The following GRM7 variants were observed in gnomAD, a reference collection of about 807,000 sequenced individuals.
GRM7 encodes the protein glutamate metabotropic receptor 7, also known as metabotropic glutamate receptor 7.
Under a neutral mutation model 84.5 loss-of-function variants are expected in GRM7, and 35 were observed. The observed-to-expected ratio is 0.41, with a 90% CI of 0.32 to 0.55. GRM7 has a LOEUF of 0.55. GRM7 is among the 20% of genes least tolerant of loss of function. The pLI is 0.19. For missense variants in GRM7, 1,003 were observed against 1,194.6 expected (o/e 0.84, Z 2.36); for synonymous variants, 487 against 455.1 (o/e 1.07, Z -0.89).
chr3:7,645,302 A>C (rs1388910866), intron 8 of GRM7, among the ~76,000 whole-genome samples: 1 of 152,036 alleles, frequency 6.6e-6, no homozygotes, highest in Non-Finnish European at 1.5e-5. Flanking sequence ...TAATCCCAGC[A>C]CTTTGGGAGG....
intron 1 of GRM7, among the ~76,000 whole-genome samples, chr3:7,064,712 AG>A (rs1437700468): frequency 1.3e-5 from 2 of 151,502 alleles, no homozygotes; most frequent in African/African-American, 2.4e-5. Context: ...GTAGATACCC[AG>A]TAGTGGGATT....
chr3:7,706,398 A>G (rs1441034368), intron 9 of GRM7, among the ~76,000 whole-genome samples: 2 of 152,196 alleles, frequency 1.3e-5, no homozygotes, highest in East Asian at 1.9e-4. Flanking sequence ...GCAAGCTGCA[A>G]ACTTTAAAAG....
At chr3:7,738,213 G>A (rs1702569935) in intron 9 of GRM7, among the ~76,000 whole-genome samples, 1 of 152,128 alleles carries the variant, frequency 6.6e-6, no homozygotes, top group African/African-American at 2.4e-5. Flanking sequence ...TCACATTCAA[G>A]TAAGTGACAG....
At chr3:7,230,865 C>T (rs1364136030) in intron 2 of GRM7, among the ~76,000 whole-genome samples, 1 of 152,028 alleles carries the variant, frequency 6.6e-6, no homozygotes, top group Non-Finnish European at 1.5e-5. Context: ...TGCATAAAAC[C>T]CTTTTAGTAT....
rs1366551795 is a variant in GRM7, at chr3:7,696,180, G to GTGTT, written c.2698+15888_2698+15891dup. 5.3e-5 allele frequency among the ~76,000 whole-genome samples: 8 copies of GTGTT among 152,272 alleles called. No individual in the cohort carries two copies. The South Asian group carries it at 1.2e-3, about 24-fold the overall frequency. On this transcript the variant is annotated intron_variant, in intron 9 of 9. Coordinates refer to ENST00000357716, the MANE Select transcript of GRM7 (RefSeq NM_000844.4). ...AGAATTGTCTATAGGTCTCTCAGGA[G>GTGTT]TGTTTGGACCCATTTCTTTTGTAGC...
chr3:7,000,903 C>G (rs1041525569), intron 1 of GRM7, among the ~76,000 whole-genome samples: 2 of 152,136 alleles, frequency 1.3e-5, no homozygotes, highest in African/African-American at 2.4e-5. Flanking sequence ...TGAATGAACT[C>G]TGACTATAGG....
chr3:7,005,847 G>T (rs1695165267), intron 1 of GRM7, among the ~76,000 whole-genome samples: 1 of 152,082 alleles, frequency 6.6e-6, no homozygotes, highest in African/African-American at 2.4e-5. Context: ...ACTATGTTTA[G>T]CATGGAGAGG....
intron 1 of GRM7, among the ~76,000 whole-genome samples, chr3:7,129,621 A>G (rs112463570): frequency 0.01 from 1,556 of 152,200 alleles, 21 homozygotes; most frequent in African/African-American, 0.036. Context: ...CTTTTTCCAT[A>G]TCCCCTTTCT....
chr3:7,101,239 A>G (rs990441771), intron 1 of GRM7, among the ~76,000 whole-genome samples: 1 of 151,742 alleles, frequency 6.6e-6, no homozygotes, highest in Non-Finnish European at 1.5e-5. Flanking sequence ...GAGAGTTCCA[A>G]TTGCACCACA....
chr3:7,495,952 T>C (rs778623549), intron 7 of GRM7, among the ~76,000 whole-genome samples: 18 of 152,152 alleles, frequency 1.2e-4, no homozygotes, highest in Non-Finnish European at 2.5e-4. Context: ...CTGAGAAAAA[T>C]GGGTCTATGT....
At chr3:7,005,953 T>C (rs568190751) in intron 1 of GRM7, among the ~76,000 whole-genome samples, 3 of 152,270 alleles carry the variant, frequency 2.0e-5, no homozygotes, top group South Asian at 4.1e-4. Flanking sequence ...CTGTGTCATA[T>C]CCCTACTCAG....
At chr3:7,440,674 T>C (rs9831602) in intron 5 of GRM7, among the ~76,000 whole-genome samples, 23,865 of 152,076 alleles carry the variant, frequency 0.16, 2,014 homozygotes, top group East Asian at 0.35. Flanking sequence ...GGCCCCAGCC[T>C]CTATTGTCCC....
chr3:6,920,532 G>A (rs1451029061), intron 1 of GRM7, among the ~76,000 whole-genome samples: 1 of 149,440 alleles, frequency 6.7e-6, no homozygotes, highest in Non-Finnish European at 1.5e-5. Context: ...CTGCAGCCTG[G>A]GCAACAGAGT....
intron 8 of GRM7, among the ~76,000 whole-genome samples, chr3:7,609,396 TAG>T (rs1296076664): frequency 2.0e-5 from 3 of 151,592 alleles, no homozygotes; most frequent in Non-Finnish European, 4.4e-5. Context: ...GGATATCCAG[TAG>T]AGAGGGACAA....
chr3:7,029,376 A>G (rs1696108125), intron 1 of GRM7, among the ~76,000 whole-genome samples: 1 of 152,128 alleles, frequency 6.6e-6, no homozygotes, highest in Non-Finnish European at 1.5e-5. Context: ...GTACATATCC[A>G]AAATAATTGG....
chr3:6,958,077 A>G (rs572461080), intron 1 of GRM7, among the ~76,000 whole-genome samples: 44 of 150,784 alleles, frequency 2.9e-4, no homozygotes, highest in South Asian at 1.9e-3. Flanking sequence ...ATGTGTATAT[A>G]TGTGTGTGTG....
intron 1 of GRM7, among the ~76,000 whole-genome samples, chr3:7,013,133 T>TAA (rs796367147): frequency 3.4e-5 from 2 of 59,496 alleles, no homozygotes; most frequent in African/African-American, 1.4e-4. Flanking sequence ...AACCCTACCA[T>TAA]AAAAAAAAAA....
chr3:7,451,324 T>C (rs1034651343), intron 5 of GRM7, among the ~76,000 whole-genome samples: 1 of 152,178 alleles, frequency 6.6e-6, no homozygotes, highest in Non-Finnish European at 1.5e-5. Context: ...TGGTAGAGCA[T>C]TAAAATATGA....
At chr3:7,421,072 T>G (rs1189011757) in intron 5 of GRM7, among the ~76,000 whole-genome samples, 1 of 152,206 alleles carries the variant, frequency 6.6e-6, no homozygotes, top group African/African-American at 2.4e-5. Flanking sequence ...AAAAATAGAC[T>G]TTAGTGTAAC....
Sources: allele counts gnomAD v4.1 joint callset (sites outside exome capture counted in the v4.1 genomes callset), GRCh38; gene constraint gnomAD v4.1.1; transcripts MANE v1.5; gene names NCBI Gene and HGNC (gene_info 2026-07-23, HGNC 2026-07-21).